UBE2E3: variants seen among roughly 807,000 people sequenced by gnomAD.
The protein encoded by UBE2E3 is ubiquitin conjugating enzyme E2 E3.
Under a neutral mutation model 23.6 loss-of-function variants are expected in UBE2E3, and 5 were observed. That is an observed-to-expected ratio of 0.21 (90% CI 0.11 to 0.44). The LOEUF (loss-of-function observed/expected upper bound fraction) is 0.44, where lower values mean the gene tolerates loss of function less well. Among genes scored for constraint, UBE2E3 ranks in the 20% least tolerant of loss-of-function variants. The probability of loss-of-function intolerance (pLI) is 0.99; values close to 1 mark genes in which losing one functional copy is unlikely to be tolerated. For missense variants in UBE2E3, 81 were observed against 249.8 expected (o/e 0.32, Z 4.55); for synonymous variants, 78 against 87.5 (o/e 0.89, Z 0.60).
intron 3 of UBE2E3, among the ~76,000 whole-genome samples, chr2:181,018,392 C>G (rs1215476993): frequency 6.6e-6 from 1 of 151,180 alleles, no homozygotes; most frequent in Non-Finnish European, 1.5e-5. Context: ...ATATATTTGA[C>G]CTAGGAAGAT....
chr2:181,007,926 C>T (rs1261047896), intron 3 of UBE2E3, among the ~76,000 whole-genome samples: 2 of 152,140 alleles, frequency 1.3e-5, no homozygotes, highest in Admixed American at 1.3e-4. Context: ...GTCTTGAACC[C>T]TTATCAAGGA....
chr2:181,050,363 A>C (rs931763842), intron 3 of UBE2E3, among the ~76,000 whole-genome samples: 1 of 151,888 alleles, frequency 6.6e-6, no homozygotes, highest in African/African-American at 2.4e-5. Flanking sequence ...AAGTGCTAAA[A>C]GACTCTAAAA....
chr2:181,029,165 A>G (rs543348873), intron 3 of UBE2E3, among the ~76,000 whole-genome samples: 4 of 151,882 alleles, frequency 2.6e-5, no homozygotes, highest in South Asian at 2.1e-4. Context: ...CTTCCATTCT[A>G]TTCATCAAGT....
chr2:180,991,754 G>T (rs1199814114), intron 3 of UBE2E3, among the ~76,000 whole-genome samples: 1 of 152,174 alleles, frequency 6.6e-6, no homozygotes, highest in East Asian at 1.9e-4. Flanking sequence ...GAAACCAAAA[G>T]ATTGGACACT....
At chr2:181,030,502 C>T (rs981289998) in intron 3 of UBE2E3, among the ~76,000 whole-genome samples, 117 of 152,178 alleles carry the variant, frequency 7.7e-4, no homozygotes, top group African/African-American at 2.7e-3. Flanking sequence ...AAGAGTCTTA[C>T]ATGTGTGTTC....
intron 2 of UBE2E3, among the ~76,000 whole-genome samples, chr2:180,983,476 G>A (rs1684364688): frequency 6.6e-6 from 1 of 152,194 alleles, no homozygotes; most frequent in African/African-American, 2.4e-5. Flanking sequence ...AAATTTAAGT[G>A]CTGTACCTAA....
intron 3 of UBE2E3, among the ~76,000 whole-genome samples, chr2:180,994,915 C>A (rs1035186315): frequency 9.6e-4 from 146 of 152,204 alleles, no homozygotes; most frequent in African/African-American, 3.4e-3. Flanking sequence ...CACATGGTGC[C>A]ATTTGGAGTC....
intron 3 of UBE2E3, among the ~76,000 whole-genome samples, chr2:181,009,958 T>A (rs1444785473): frequency 6.6e-6 from 1 of 152,170 alleles, no homozygotes; most frequent in East Asian, 1.9e-4. Context: ...TCATTTATTC[T>A]TCTCAAGTGT....
At chr2:181,014,876 CT>C (rs1215887058) in intron 3 of UBE2E3, among the ~76,000 whole-genome samples, 1 of 152,028 alleles carries the variant, frequency 6.6e-6, no homozygotes, top group East Asian at 1.9e-4. Flanking sequence ...CTTCGAGCTA[CT>C]TTGAAATATA....
intron 3 of UBE2E3, among the ~76,000 whole-genome samples, chr2:181,041,105 G>A (rs1006497006): frequency 3.3e-5 from 5 of 151,768 alleles, no homozygotes; most frequent in East Asian, 3.9e-4. Context: ...AAAATTAGAC[G>A]GGTGTGGCAG....
chr2:180,990,166 C>T (rs886969072), intron 3 of UBE2E3: 34 of 571,884 alleles, frequency 5.9e-5, no homozygotes, highest in Non-Finnish European at 1.0e-4. Context: ...TTGTCCTCCC[C>T]TTCCCCAGCC....
intron 3 of UBE2E3, among the ~76,000 whole-genome samples, chr2:181,031,684 GTGTTT>G (rs924209110): frequency 2.0e-4 from 31 of 151,800 alleles, no homozygotes; most frequent in Admixed American, 5.3e-4. Flanking sequence ...ATTAGTTTTG[GTGTTT>G]TGTTTTGTTT....
chr2:181,039,536 C>T (rs572886328), intron 3 of UBE2E3, among the ~76,000 whole-genome samples: 1 of 152,028 alleles, frequency 6.6e-6, no homozygotes, highest in African/African-American at 2.4e-5. Flanking sequence ...TTTGGGATTT[C>T]GAGGTGGGCA....
chr2:181,044,722 A>G (rs1012238628), intron 3 of UBE2E3, among the ~76,000 whole-genome samples: 4 of 152,152 alleles, frequency 2.6e-5, no homozygotes, highest in African/African-American at 9.7e-5. Context: ...ATAGATGGTA[A>G]CATAATTCCT....
chr2:180,988,671 G>C (rs2105571245), intron 3 of UBE2E3, among the ~76,000 whole-genome samples: 2 of 152,224 alleles, frequency 1.3e-5, no homozygotes, highest in Middle Eastern at 3.4e-3. Flanking sequence ...GAACTAAGGA[G>C]AAATTTTGAA....
At chr2:181,006,932 A>C (rs188151380) in intron 3 of UBE2E3, among the ~76,000 whole-genome samples, 56 of 152,356 alleles carry the variant, frequency 3.7e-4, no homozygotes, top group African/African-American at 1.3e-3. Flanking sequence ...AAAGCCATGC[A>C]GAATTTATAA....
At chr2:180,987,042 T>G (rs1421450004) in intron 3 of UBE2E3, among the ~76,000 whole-genome samples, 1 of 152,180 alleles carries the variant, frequency 6.6e-6, no homozygotes, top group African/African-American at 2.4e-5. Flanking sequence ...GCATTGATAT[T>G]TCTTTTCCCG....
chr2:181,012,211 C>G (rs1031581264), intron 3 of UBE2E3, among the ~76,000 whole-genome samples: 2 of 152,134 alleles, frequency 1.3e-5, no homozygotes, highest in Non-Finnish European at 2.9e-5. Context: ...ACATTAACAA[C>G]ACTGATTAGT....
chr2:181,017,018 T>C (rs1685512481), intron 3 of UBE2E3, among the ~76,000 whole-genome samples: 1 of 152,212 alleles, frequency 6.6e-6, no homozygotes, highest in African/African-American at 2.4e-5. Context: ...TTGAGAACTT[T>C]ATATCACAGA....
Sources: allele counts gnomAD v4.1 joint callset (sites outside exome capture counted in the v4.1 genomes callset), GRCh38; gene constraint gnomAD v4.1.1; transcripts MANE v1.5; gene names NCBI Gene and HGNC (gene_info 2026-07-23, HGNC 2026-07-21).